Variants in CD81 observed in about 807,000 individuals in gnomAD.
CD81 encodes the protein CD81 molecule.
Under a neutral mutation model 30.1 loss-of-function variants are expected in CD81, and 10 were observed. The ratio of observed to expected loss-of-function variants is 0.33; its 90% confidence interval spans 0.21 to 0.56. The LOEUF (loss-of-function observed/expected upper bound fraction) is 0.56, where lower values mean the gene tolerates loss of function less well. Among genes scored for constraint, CD81 ranks in the 20% least tolerant of loss-of-function variants. The pLI is 0.89. For synonymous variants in CD81, 147 were observed against 126.4 expected, an observed-to-expected ratio of 1.16 and a Z score of -1.10; for missense variants, 263 against 308.7, an observed-to-expected ratio of 0.85 and a Z score of 1.11.
chr11:2,384,386 T>TG (rs1293183526), intron 1 of CD81, among the ~76,000 whole-genome samples: 2 of 4,384 alleles, frequency 4.6e-4, no homozygotes, highest in Non-Finnish European at 8.1e-4. Context: ...TTTCCTGGGG[T>TG]GGGGCGTCTC....
intron 2 of CD81, chr11:2,393,692 C>T: frequency 5.1e-6 from 3 of 586,090 alleles, no homozygotes; most frequent in Non-Finnish European, 9.1e-6. Context: ...TGATGCCACT[C>T]CCACCCCACG....
chr11:2,395,847 C>T (rs1471450801), intron 5 of CD81, 22 bp from the exon 6 acceptor site: 18 of 1,556,644 alleles, frequency 1.2e-5, no homozygotes, highest in Non-Finnish European at 1.4e-5. Flanking sequence ...CAGGGCTGAC[C>T]TTGCACCCCT....
intron 3 of CD81, among the ~76,000 whole-genome samples, chr11:2,394,393 C>T (rs74050527): frequency 0.03 from 4,553 of 152,308 alleles, 242 homozygotes; most frequent in African/African-American, 0.1. Flanking sequence ...CCTACGTGAC[C>T]GCTTTTCTTT....
rs775538797 is a variant in CD81 at position 2,395,098 on chromosome 11, C to T, written c.354+52C>T. The T allele has an allele frequency of 5.4e-6, 8 of 1,479,124 alleles. No homozygotes were observed. In the African/African-American group the frequency reaches 9.7e-5, roughly 18 times the overall value. 91.6% of individuals were successfully genotyped at this position (1,479,124 alleles called of 1,614,324 possible). A position where few individuals can be genotyped will look rare whatever the true frequency, so the allele number is the denominator to read the frequency against. On this transcript the variant is annotated intron_variant, in intron 4 of 7. Transcript: ENST00000263645. ...TGGGGTGGGTGACGGGGGCACCCTCCTCTCCTGTCGCGGGTGGGGGTTGGG... is the reference window on the plus strand; with the variant it reads ...TGGGGTGGGTGACGGGGGCACCCTCTTCTCCTGTCGCGGGTGGGGGTTGGG...
rs779214198 is a variant in CD81, at chr11:2,390,522, T to C, written c.177T>C (p.Tyr59=). Residue 59 remains tyrosine, a synonymous_variant, in exon 2 of 8, where the codon TAT becomes TAC. Transcript: ENST00000263645. The part of the protein sequence containing the change: ...LGDKPAPNTF[Y]VGIYILIAVG... The stretch of plus-strand genomic sequence containing the variant: ...ACAAGCCCGCGCCCAACACCTTCTA[T>C]GTAGGTGAGTGCACATGTGGCCGCA... The C allele has an allele frequency of 1.4e-5, 22 of 1,602,068 alleles. 2 individuals are homozygous for C. The South Asian group carries it at 2.0e-4, about 14-fold the overall frequency.
chr11:2,388,457 T>C (rs957829886), intron 1 of CD81, among the ~76,000 whole-genome samples: 1 of 152,142 alleles, frequency 6.6e-6, no homozygotes, highest in Admixed American at 6.5e-5. Context: ...AACCCCACCC[T>C]GGGGCCCTGC....
rs1037454366 is a variant in CD81 at position 2,395,116 on chromosome 11, G to C, written c.354+70G>C. ...CACCCTCCTCTCCTGTCGCGGGTGG[G>C]GGTTGGGCTGACTCATGGCTTGTGG... On this transcript the variant is annotated intron_variant, in intron 4 of 7. Coordinates refer to ENST00000263645, the MANE Select transcript of CD81 (RefSeq NM_004356.4). The C allele has an allele frequency of 2.3e-6, 3 of 1,329,772 alleles. No homozygotes were observed. In the African/African-American group the frequency reaches 4.3e-5, roughly 19 times the overall value. 82.4% of individuals were successfully genotyped at this position (1,329,772 alleles called of 1,614,324 possible). A position where few individuals can be genotyped will look rare whatever the true frequency, so the allele number is the denominator to read the frequency against.
intron 1 of CD81, chr11:2,386,334 G>A (rs550002412): frequency 1.0e-4 from 63 of 622,964 alleles, no homozygotes; most frequent in South Asian, 5.3e-4. Context: ...CAGGTCTTTC[G>A]GAGAGCAGGT....
At chr11:2,379,678 G>C (rs567718229) in intron 1 of CD81, among the ~76,000 whole-genome samples, 2 of 152,152 alleles carry the variant, frequency 1.3e-5, no homozygotes, top group South Asian at 4.1e-4. Flanking sequence ...CCAGGCAGCT[G>C]GGGTGGAGAC....
At chr11:2,394,752 C>T in intron 3 of CD81, 2 of 628,504 alleles carry the variant, frequency 3.2e-6, no homozygotes, top group Non-Finnish European at 5.8e-6. Flanking sequence ...GAGCCTGGTG[C>T]CGCGTGGGGA....
chr11:2,388,263 G>A (rs1312160684), intron 1 of CD81, among the ~76,000 whole-genome samples: 1 of 152,230 alleles, frequency 6.6e-6, no homozygotes, highest in Non-Finnish European at 1.5e-5. Context: ...GAGGAGGGGA[G>A]ACAGGAGTGT....
rs759382182 is a variant in CD81, at chr11:2,390,469, A to G, written c.124A>G (p.Thr42Ala). Residue 42 changes from threonine to alanine, a missense_variant, in exon 2 of 8, where the codon ACC becomes GCC. Transcript: ENST00000263645. ...GTGGCTCCGCCATGACCCGCAGACC[A>G]CCAACCTCCTGTATCTGGAGCTGGG... Reference protein sequence around the residue: ...ALWLRHDPQTTNLLYLELGDK... With the variant: ...ALWLRHDPQTANLLYLELGDK... The G allele has an allele frequency of 8.1e-6, 13 of 1,612,964 alleles. No homozygotes were observed. The highest frequency in any genetic ancestry group is 1.1e-5 in the Non-Finnish European group (13 of 1,180,018).
chr11:2,390,314 A>G (rs1849875557), intron 1 of CD81, 98 bp from the exon 2 acceptor site: 3 of 943,992 alleles, frequency 3.2e-6, no homozygotes, highest in East Asian at 2.4e-5. Flanking sequence ...CTCGGGAGCC[A>G]GCAAGGCAGG....
Position 2,377,824 on chromosome 11 carries a change from G to T in CD81, c.66+209G>T, listed in dbSNP as rs911198356. The T allele has an allele frequency of 3.7e-6, 1 of 273,854 alleles. No individual in the cohort carries two copies. The highest frequency in any genetic ancestry group is 6.9e-6 in the Non-Finnish European group (1 of 144,034). 17.0% of individuals were successfully genotyped at this position (273,854 alleles called of 1,614,324 possible). On this transcript the variant is annotated intron_variant, in intron 1 of 7. Coordinates refer to ENST00000263645, the MANE Select transcript of CD81 (RefSeq NM_004356.4). This position sits in a 1 kb window ranked among gnomAD's most constrained non-coding sequence, Gnocchi z 7.7. ...CTGAGGGCTGCGAGCCGAGTTTCGGGGCCTCTGTGCTCGGGGGCCCACCTC... is the reference window on the plus strand; with the variant it reads ...CTGAGGGCTGCGAGCCGAGTTTCGGTGCCTCTGTGCTCGGGGGCCCACCTC...
At chr11:2,386,501 C>T (rs944922126) in intron 1 of CD81, 35 of 712,296 alleles carry the variant, frequency 4.9e-5, no homozygotes, top group Middle Eastern at 2.3e-4. Context: ...CCTCCGCCTC[C>T]GTTTCCTCAT....
intron 5 of CD81, 111 bp from the exon 6 acceptor site, chr11:2,395,758 A>G (rs2133465898): frequency 1.2e-6 from 1 of 823,136 alleles, no homozygotes; most frequent in Admixed American, 1.8e-5. Context: ...CCCTGGATGC[A>G]TTCTGCAGTG....
At chr11:2,383,781 C>T (rs1233662896) in intron 1 of CD81, among the ~76,000 whole-genome samples, 4 of 152,256 alleles carry the variant, frequency 2.6e-5, no homozygotes, top group East Asian at 3.9e-4. Context: ...CCATCGTCCT[C>T]GTCCCCCACT....
At chr11:2,390,253 G>C (rs1849874326) in intron 1 of CD81, 159 bp from the exon 2 acceptor site, 2 of 711,102 alleles carry the variant, frequency 2.8e-6, no homozygotes, top group Non-Finnish European at 5.1e-6. Context: ...GACTCCCGGG[G>C]CTCTTCAGGG....
At chr11:2,385,573 G>A in intron 1 of CD81, 1 of 276,174 alleles carries the variant, frequency 3.6e-6, no homozygotes, top group Non-Finnish European at 7.3e-6. Flanking sequence ...CACCCGTGCT[G>A]TGGCGTGCCC....
Sources: gnomAD v4.1 joint callset for allele counts (sites outside exome capture counted in the v4.1 genomes callset) on GRCh38, gnomAD v4.1.1 for gene constraint, Gnocchi (gnomAD v3.1) non-coding constraint, MANE v1.5 for transcripts, NCBI Gene and HGNC (gene_info 2026-07-23, HGNC 2026-07-21) for gene names.